PTPRN2: variants seen among roughly 807,000 people sequenced by gnomAD.
PTPRN2 encodes the protein protein tyrosine phosphatase receptor type N2.
Under a neutral mutation model 118.8 loss-of-function variants are expected in PTPRN2, and 74 were observed. That is an observed-to-expected ratio of 0.62 (90% CI 0.52 to 0.76). The LOEUF is 0.76. Among genes scored for constraint, PTPRN2 ranks in the 30% least tolerant of loss-of-function variants. The probability of loss-of-function intolerance (pLI) is 0.00; values close to 1 mark genes in which losing one functional copy is unlikely to be tolerated. For synonymous variants in PTPRN2, 641 were observed against 608.0 expected (o/e 1.05, Z -0.80); for missense variants, 1,481 against 1,394.4 (o/e 1.06, Z -0.99).
rs1051645640 is a variant in PTPRN2 at position 157,609,457 on chromosome 7, A to G, written c.2345-5382T>C. Among the ~76,000 whole-genome samples the G allele has an allele frequency of 1.3e-5, 2 of 152,200 alleles. No homozygotes were observed. Among genetic ancestry groups the G allele is most frequent in the South Asian group, 4.1e-4 (2 of 4,828 alleles). On this transcript the variant is annotated intron_variant, in intron 15 of 22. Transcript: ENST00000389418. The surrounding 1 kb of genome is among the most constrained non-coding windows in gnomAD (Gnocchi z 4.9). The stretch of plus-strand genomic sequence containing the variant: ...CAGATGTTCCATATTTTCACGGATT[A>G]GATCCTCTTCTCTCATCCTGGACCC...
At chr7:157,954,956 T>A (rs1801092349) in intron 11 of PTPRN2, among the ~76,000 whole-genome samples, 1 of 152,240 alleles carries the variant, frequency 6.6e-6, no homozygotes, top group Non-Finnish European at 1.5e-5. Flanking sequence ...ATTTAGAAAT[T>A]GCTGGCAATC....
chr7:158,552,342 T>C (rs1273942997), intron 1 of PTPRN2, among the ~76,000 whole-genome samples: 1 of 152,014 alleles, frequency 6.6e-6, no homozygotes, highest in East Asian at 1.9e-4. Flanking sequence ...GTACATGCAT[T>C]TGGGGGGCCC....
chr7:157,593,014 G>A (rs1226209335), intron 17 of PTPRN2, among the ~76,000 whole-genome samples: 4 of 142,664 alleles, frequency 2.8e-5, no homozygotes, highest in Non-Finnish European at 4.6e-5. Context: ...CACGCAGGAC[G>A]GAGGGTGGAT....
chr7:158,085,593 T>C (rs1585386691), intron 10 of PTPRN2, among the ~76,000 whole-genome samples: 2 of 67,452 alleles, frequency 3.0e-5, no homozygotes, highest in African/African-American at 6.3e-5. Context: ...CCCATCCAGA[T>C]ACCCATCCAC....
chr7:158,134,211 A>G (rs1818620471), intron 8 of PTPRN2, 152 bp from the exon 9 acceptor site: 2 of 859,170 alleles, frequency 2.3e-6, no homozygotes, highest in African/African-American at 1.7e-5. Flanking sequence ...TGTGCAGTCT[A>G]TATTTAGAAT....
intron 12 of PTPRN2, among the ~76,000 whole-genome samples, chr7:157,812,264 G>T (rs944752371): frequency 6.6e-6 from 1 of 152,200 alleles, no homozygotes; most frequent in Non-Finnish European, 1.5e-5. Flanking sequence ...CTTGGGGCTT[G>T]CCGGGAGAGA....
chr7:157,739,885 A>C (rs904327764), intron 12 of PTPRN2, among the ~76,000 whole-genome samples: 17 of 152,206 alleles, frequency 1.1e-4, no homozygotes, highest in African/African-American at 4.1e-4. Context: ...CTGCGTGCTC[A>C]CGCATGGCTC....
At chr7:158,418,872 C>G (rs550893230) in intron 2 of PTPRN2, among the ~76,000 whole-genome samples, 1 of 152,146 alleles carries the variant, frequency 6.6e-6, no homozygotes, top group African/African-American at 2.4e-5. Flanking sequence ...GTAGCTCTCA[C>G]TGTCCCACTG....
intron 2 of PTPRN2, among the ~76,000 whole-genome samples, chr7:158,457,269 T>C (rs1055549948): frequency 4.6e-5 from 7 of 152,118 alleles, no homozygotes; most frequent in African/African-American, 1.7e-4. Flanking sequence ...TCTGCATTCC[T>C]CCTAACTCCA....
chr7:158,336,367 A>G (rs1805528962), intron 2 of PTPRN2, among the ~76,000 whole-genome samples: 1 of 143,398 alleles, frequency 7.0e-6, no homozygotes, highest in Non-Finnish European at 1.5e-5. Flanking sequence ...CTCTCACCAT[A>G]AGAGCTGACA....
At chr7:157,749,323 G>A (rs1162909551) in intron 12 of PTPRN2, among the ~76,000 whole-genome samples, 1 of 138,430 alleles carries the variant, frequency 7.2e-6, no homozygotes, top group Non-Finnish European at 1.5e-5. Context: ...GGGTGTCTGG[G>A]TGATTCTGAG....
chr7:158,199,815 TA>T (rs11288232), intron 4 of PTPRN2, among the ~76,000 whole-genome samples: 71,729 of 151,938 alleles, frequency 0.47, 18,067 homozygotes, highest in African/African-American at 0.67. Context: ...AGGCAGGCAC[TA>T]GGGGAGCCTG....
At position 157,595,302 on chromosome 7, in the gene PTPRN2, G is replaced by C. The variant is rs780334530; in HGVS notation, c.2432C>G (p.Pro811Arg). 1.9e-6 allele frequency: 3 copies of C among 1,614,078 alleles called. No homozygotes were observed. Among genetic ancestry groups the C allele is most frequent in the African/African-American group, 2.7e-5 (2 of 74,930 alleles). Residue 811 changes from proline (P) to arginine (R), a missense_variant, in exon 17 of 23, where the codon CCG becomes CGG. Coordinates refer to ENST00000389418, the MANE Select transcript of PTPRN2 (RefSeq NM_002847.5). ...INASPIMDHD[P>R]RNPAYIATQG... ...GGTGGCGATGTACGCGGGGTTCCTCGGGTCGTGATCCATCTGCAGAGACAA... is the reference window on the plus strand; with the variant it reads ...GGTGGCGATGTACGCGGGGTTCCTCCGGTCGTGATCCATCTGCAGAGACAA...
chr7:157,860,058 C>G (rs73165874), intron 12 of PTPRN2, among the ~76,000 whole-genome samples: 5 of 152,368 alleles, frequency 3.3e-5, no homozygotes, highest in African/African-American at 7.2e-5. Context: ...CCCAGCTCTG[C>G]AGCACAGACC....
At position 157,618,383 on chromosome 7, in the gene PTPRN2, G is replaced by C. The variant is rs552674092; in HGVS notation, c.2344+2979C>G. 6.6e-6 allele frequency: 1 copy of C among 152,450 alleles called. No homozygotes were observed. Among genetic ancestry groups the C allele is most frequent in the South Asian group, 2.1e-4 (1 of 4,832 alleles). 9.4% of individuals were successfully genotyped at this position (152,450 alleles called of 1,614,324 possible). On this transcript the variant is annotated intron_variant, in intron 15 of 22. Transcript: ENST00000389418. This position sits in a 1 kb window ranked among gnomAD's most constrained non-coding sequence, Gnocchi z 4.2. Reference sequence around the variant, plus strand: ...ACTCATGCTTCCAACCCTGCACAGAGGATAGTGCATGCCCAGCATGCAGAC... The same window carrying C: ...ACTCATGCTTCCAACCCTGCACAGACGATAGTGCATGCCCAGCATGCAGAC...
chr7:158,166,820 G>A (rs1049997925), intron 6 of PTPRN2, 111 bp downstream of exon 6: 2 of 1,292,286 alleles, frequency 1.5e-6, no homozygotes, highest in Non-Finnish European at 1.0e-6. Context: ...GTCCTCGGGG[G>A]AGTGCGGTGT....
chr7:157,799,576 C>T (rs542753338), intron 12 of PTPRN2, among the ~76,000 whole-genome samples: 25 of 152,218 alleles, frequency 1.6e-4, no homozygotes, highest in African/African-American at 6.0e-4. Context: ...ACTGCCCCTC[C>T]GACTGGCCCA....
At position 158,288,731 on chromosome 7, in the gene PTPRN2, T is replaced by C. The variant is rs374698976; in HGVS notation, c.277+28088A>G. Among the ~76,000 whole-genome samples, 15 of 152,326 alleles carry C rather than the reference T, an allele frequency of 9.8e-5. No individual in the cohort carries two copies. In the East Asian group the frequency reaches 1.9e-3, roughly 20 times the overall value. On this transcript the variant is annotated intron_variant, in intron 3 of 22. Transcript: ENST00000389418. ...GATTTGTACACCACCATTACAGTAT[T>C]ATTCTGAATTTGACTGTATACTTAT... is the stretch of plus-strand genomic sequence containing the variant.
rs1353081501 is a variant in PTPRN2, at chr7:158,376,461, C to G, written c.164-59529G>C. ...GGGTTCAGGGGACTCTCCCACATCC[C>G]TGTCACACGTCCTGAGAGGGGGGTC... On this transcript the variant is annotated intron_variant, in intron 2 of 22. Transcript: ENST00000389418. 1.2e-4 allele frequency among the ~76,000 whole-genome samples: 18 copies of G among 144,702 alleles called. 1 individual carries two copies. The highest frequency in any genetic ancestry group is 2.3e-4 in the Non-Finnish European group (15 of 66,332). 94.9% of individuals were successfully genotyped at this position (144,702 alleles called of 152,430 possible). A position where few individuals can be genotyped will look rare whatever the true frequency, so the allele number is the denominator to read the frequency against.
Sources: allele counts gnomAD v4.1 joint callset (sites outside exome capture counted in the v4.1 genomes callset), GRCh38; gene constraint gnomAD v4.1.1; non-coding constraint Gnocchi (gnomAD v3.1); transcripts MANE v1.5; gene names NCBI Gene and HGNC (gene_info 2026-07-23, HGNC 2026-07-21).